MAML3: variants seen among roughly 807,000 people sequenced by gnomAD.
MAML3 encodes the protein mastermind-like protein 3.
In MAML3, 27 loss-of-function variants were observed where a neutral mutation model predicts 101.9. The observed-to-expected ratio is 0.27, with a 90% CI of 0.20 to 0.37. The LOEUF is 0.37. MAML3 is among the 10% of genes least tolerant of loss of function. The pLI is 1.00. For synonymous variants in MAML3, 501 were observed against 555.9 expected (o/e 0.90, Z 1.39); for missense variants, 1,316 against 1,444.9 (o/e 0.91, Z 1.45).
rs193089973 is a variant in MAML3 at position 140,025,893 on chromosome 4, G to A, written c.468+126967C>T. On this transcript the variant is annotated intron_variant, in intron 1 of 4. Transcript: ENST00000509479. Reference sequence around the variant, plus strand: ...ATTGGCTCTCAGTCCTTAGGGGTACGTGGTTTCATTACTGAGGTATGCCTG... The same window carrying A: ...ATTGGCTCTCAGTCCTTAGGGGTACATGGTTTCATTACTGAGGTATGCCTG... Among the ~76,000 whole-genome samples the A allele has an allele frequency of 1.5e-4, 23 of 152,310 alleles. No individual in the cohort carries two copies. In the East Asian group the frequency reaches 3.7e-3, roughly 24 times the overall value.
At chr4:139,794,264 G>A (rs1432222981) in intron 2 of MAML3, 1 of 152,194 alleles carries the variant, frequency 6.6e-6, no homozygotes, top group Non-Finnish European at 1.5e-5. Flanking sequence ...TCTGGTCAAA[G>A]AACAATGATC....
At chr4:140,008,202 C>T (rs530872316) in intron 1 of MAML3, among the ~76,000 whole-genome samples, 1 of 152,274 alleles carries the variant, frequency 6.6e-6, no homozygotes, top group Non-Finnish European at 1.5e-5. Context: ...AAAAAATTAG[C>T]TGGGCGTGGT....
intron 1 of MAML3, among the ~76,000 whole-genome samples, chr4:140,140,571 A>G (rs1157673286): frequency 6.6e-6 from 1 of 152,210 alleles, no homozygotes; most frequent in African/African-American, 2.4e-5. Flanking sequence ...TAAAGAAGGA[A>G]GCAATAAGAT....
At position 139,756,355 on chromosome 4, in the gene MAML3, C is replaced by T. The variant is rs1729650550; in HGVS notation, c.2080-25688G>A. On this transcript the variant is annotated intron_variant, in intron 2 of 4. Transcript: ENST00000509479. ...TTAATTTTGAGATTTTTATTATGCT[C>T]CATCAAGACACAGGAACTAAAACCA... Among the ~76,000 whole-genome samples the T allele has an allele frequency of 1.3e-5, 2 of 152,074 alleles. 1 individual carries two copies. The highest frequency in any genetic ancestry group is 4.2e-4 in the South Asian group (2 of 4,816).
intron 1 of MAML3, among the ~76,000 whole-genome samples, chr4:140,148,409 GC>G (rs1219315205): frequency 1.3e-5 from 2 of 152,120 alleles, no homozygotes; most frequent in Non-Finnish European, 2.9e-5. Context: ...TTAAAAAAAT[GC>G]TTCTTGAGAA....
chr4:140,141,249 C>T (rs892523792), intron 1 of MAML3, among the ~76,000 whole-genome samples: 2 of 152,176 alleles, frequency 1.3e-5, no homozygotes, highest in Non-Finnish European at 2.9e-5. Context: ...CACTGCAGCA[C>T]CTGTGTATAA....
At chr4:140,082,585 C>G (rs1255943538) in intron 1 of MAML3, among the ~76,000 whole-genome samples, 1 of 152,132 alleles carries the variant, frequency 6.6e-6, no homozygotes, top group Non-Finnish European at 1.5e-5. Context: ...ATGGCCTTTG[C>G]AGTCCCCAGC....
At chr4:139,951,827 G>A (rs1471946861) in intron 1 of MAML3, among the ~76,000 whole-genome samples, 1 of 151,926 alleles carries the variant, frequency 6.6e-6, no homozygotes, top group South Asian at 2.1e-4. Flanking sequence ...ATTAAGGGGG[G>A]CCAAGGGGTG....
chr4:140,011,238 A>ATATATATATATATG, intron 1 of MAML3, among the ~76,000 whole-genome samples: 1 of 143,268 alleles, frequency 7.0e-6, no homozygotes, highest in Non-Finnish European at 1.5e-5. Context: ...GTGTGCATAT[A>ATATATATATATATG]TATATATATA....
intron 1 of MAML3, among the ~76,000 whole-genome samples, chr4:139,891,869 A>G (rs1560827536): frequency 6.6e-6 from 1 of 152,164 alleles, no homozygotes. Context: ...ACCGGTTTCC[A>G]CAACATCACA....
chr4:140,069,411 G>C (rs145688615), intron 1 of MAML3, among the ~76,000 whole-genome samples: 2,826 of 68,598 alleles, frequency 0.041, 225 homozygotes, highest in African/African-American at 0.14. Context: ...GGAGGAGGAG[G>C]AGGAGGAGGG....
intron 2 of MAML3, among the ~76,000 whole-genome samples, chr4:139,739,072 G>T (rs1729064089): frequency 6.6e-6 from 1 of 152,166 alleles, no homozygotes; most frequent in South Asian, 2.1e-4. Flanking sequence ...ATCCAGCACA[G>T]AGCTAGGGCC....
chr4:139,861,702 A>G (rs1296049990), intron 2 of MAML3, among the ~76,000 whole-genome samples: 1 of 152,158 alleles, frequency 6.6e-6, no homozygotes, highest in African/African-American at 2.4e-5. Flanking sequence ...GCTCTTGCAC[A>G]GCTGCTTCTC....
intron 2 of MAML3, among the ~76,000 whole-genome samples, chr4:139,803,284 TG>T (rs1730641127): frequency 6.6e-6 from 1 of 152,156 alleles, no homozygotes; most frequent in Non-Finnish European, 1.5e-5. Context: ...AAATATAAAA[TG>T]AAATGCAGTG....
chr4:139,863,322 T>C (rs1449289659), intron 2 of MAML3, among the ~76,000 whole-genome samples: 2 of 151,222 alleles, frequency 1.3e-5, no homozygotes, highest in Admixed American at 1.3e-4. Context: ...TTCTGGCACA[T>C]TACACACTTT....
chr4:139,837,193 T>C (rs1015144337), intron 2 of MAML3, among the ~76,000 whole-genome samples: 34 of 147,896 alleles, frequency 2.3e-4, no homozygotes, highest in African/African-American at 8.5e-4. Flanking sequence ...CCCAACACCA[T>C]CCCTATCAAA....
chr4:139,977,923 T>C (rs1455383903), intron 1 of MAML3, among the ~76,000 whole-genome samples: 1 of 151,670 alleles, frequency 6.6e-6, no homozygotes, highest in Non-Finnish European at 1.5e-5. Flanking sequence ...GGATCTTCTA[T>C]GCTCTTTTCT....
intron 1 of MAML3, among the ~76,000 whole-genome samples, chr4:139,907,349 T>C (rs1447492255): frequency 1.3e-5 from 2 of 152,220 alleles, no homozygotes; most frequent in Non-Finnish European, 2.9e-5. Flanking sequence ...ATTTGGACTC[T>C]GGATACAAAT....
chr4:139,914,223 C>T (rs1337074642), intron 1 of MAML3, among the ~76,000 whole-genome samples: 3 of 152,116 alleles, frequency 2.0e-5, no homozygotes, highest in Admixed American at 6.6e-5. Flanking sequence ...AATCACCCCA[C>T]GTTGCTATGT....
Sources: allele counts gnomAD v4.1 joint callset (sites outside exome capture counted in the v4.1 genomes callset), GRCh38; gene constraint gnomAD v4.1.1; transcripts MANE v1.5; gene names NCBI Gene and HGNC (gene_info 2026-07-23, HGNC 2026-07-21).